The following AP3M1 variants were observed in gnomAD, a reference collection of about 807,000 sequenced individuals.
The protein encoded by AP3M1 is AP-3 complex subunit mu-1.
Under a neutral mutation model 42.6 loss-of-function variants are expected in AP3M1, and 29 were observed. The ratio of observed to expected loss-of-function variants is 0.68; its 90% CI spans 0.51 to 0.93. AP3M1 has a LOEUF of 0.93. Among genes scored for constraint, AP3M1 ranks in the 40% least tolerant of loss-of-function variants. The pLI is 0.00. For synonymous variants in AP3M1, 178 were observed against 175.3 expected (o/e 1.02, Z -0.12); for missense variants, 416 against 510.2 (o/e 0.82, Z 1.78).
chr10:74,131,312 C>T (rs749434305), intron 4 of AP3M1, among the ~76,000 whole-genome samples: 12 of 151,754 alleles, frequency 7.9e-5, no homozygotes, highest in South Asian at 2.1e-4. Flanking sequence ...GGACTACAGG[C>T]GCCTGCCACC....
intron 1 of AP3M1, among the ~76,000 whole-genome samples, chr10:74,146,413 A>G (rs1039179795): frequency 6.6e-6 from 1 of 152,240 alleles, no homozygotes; most frequent in Admixed American, 6.5e-5. Flanking sequence ...AAACTGGATA[A>G]TCGGTAACTG....
At chr10:74,138,889 T>C (rs1227555216) in intron 1 of AP3M1, 5 of 145,144 alleles carry the variant, frequency 3.4e-5, no homozygotes, top group African/African-American at 7.8e-5. Context: ...GAGCTAAGAT[T>C]GCGCCACTGC....
At chr10:74,139,536 C>T (rs1421774022) in intron 1 of AP3M1, among the ~76,000 whole-genome samples, 2 of 150,256 alleles carry the variant, frequency 1.3e-5, no homozygotes, top group African/African-American at 2.5e-5. Flanking sequence ...AATCCCAGCA[C>T]TTGGGGAGGC....
chr10:74,135,286 T>G (rs1430876236), intron 3 of AP3M1, among the ~76,000 whole-genome samples: 1 of 152,234 alleles, frequency 6.6e-6, no homozygotes, highest in Non-Finnish European at 1.5e-5. Flanking sequence ...TTCTCTTTCA[T>G]GTGTGTTTTT....
chr10:74,135,261 TA>T (rs1237476491), intron 3 of AP3M1, among the ~76,000 whole-genome samples: 4 of 152,244 alleles, frequency 2.6e-5, no homozygotes, highest in African/African-American at 9.6e-5. Flanking sequence ...AAGGGATTAA[TA>T]AAACTTTAGG....
intron 1 of AP3M1, among the ~76,000 whole-genome samples, chr10:74,139,308 T>G (rs1435389731): frequency 6.6e-6 from 1 of 151,938 alleles, no homozygotes; most frequent in Non-Finnish European, 1.5e-5. Context: ...TTCTATCCAC[T>G]ATAGCTATAA....
chr10:74,124,444 G>T lies in AP3M1; in HGVS notation c.1092C>A (p.Ala364=). The change falls in exon 8 of 9, where the codon GCC becomes GCA. Residue 364 remains alanine, a synonymous_variant. Transcript: ENST00000355264. ...LKGLVNLQSG[A]PKPEENPSLN... Reference sequence around the variant, plus strand: ...GGCTCGGATTCTCTTCTGGTTTGGGGGCTCCAGACTGTAAATTTACCAGTC... The same window carrying T: ...GGCTCGGATTCTCTTCTGGTTTGGGTGCTCCAGACTGTAAATTTACCAGTC... 11 of 1,613,552 alleles carry T rather than the reference G, an allele frequency of 6.8e-6. No homozygotes were observed. The highest frequency in any genetic ancestry group is 8.5e-6 in the Non-Finnish European group (10 of 1,179,772).
intron 4 of AP3M1, among the ~76,000 whole-genome samples, chr10:74,132,023 A>AT (rs1305089566): frequency 6.6e-6 from 1 of 151,616 alleles, no homozygotes; most frequent in African/African-American, 2.4e-5. Context: ...GAAGGACTAG[A>AT]TTTTTTTTCT....
rs1402314562 is a variant in AP3M1 at position 74,123,083 on chromosome 10, A to AT, written c.*726dup. The AT allele has an allele frequency of 7.2e-5, 11 of 152,718 alleles. No homozygotes were observed. Among genetic ancestry groups the AT allele is most frequent in the Non-Finnish European group, 1.5e-5 (1 of 68,026 alleles). 9.5% of individuals were successfully genotyped at this position (152,718 alleles called of 1,614,324 possible). On this transcript the variant is annotated 3_prime_UTR_variant, in exon 9 of 9. Coordinates refer to ENST00000355264, the MANE Select transcript of AP3M1 (RefSeq NM_012095.6). ...AGCATTTGCCCCTTTGATACAAATGATTTTTTTACTGTGCTAACAGCTGAA... is the reference window on the plus strand; with the variant it reads ...AGCATTTGCCCCTTTGATACAAATGATTTTTTTTACTGTGCTAACAGCTGAA...
At chr10:74,134,834 A>G (rs1166958130) in intron 3 of AP3M1, among the ~76,000 whole-genome samples, 1 of 152,226 alleles carries the variant, frequency 6.6e-6, no homozygotes, top group African/African-American at 2.4e-5. Context: ...GGTAGAGTTC[A>G]GAGAAGTGGT....
At chr10:74,138,560 C>T (rs1841019519) in intron 1 of AP3M1, among the ~76,000 whole-genome samples, 178 bp from the exon 2 acceptor site, 1 of 132,368 alleles carries the variant, frequency 7.6e-6, no homozygotes, top group African/African-American at 2.9e-5. Context: ...TCAAAAGGTG[C>T]AGAAATTGCA....
intron 1 of AP3M1, among the ~76,000 whole-genome samples, chr10:74,141,064 G>GA (rs1841130367): frequency 1.3e-5 from 2 of 152,098 alleles, no homozygotes; most frequent in Non-Finnish European, 2.9e-5. Context: ...ACATTATCAA[G>GA]AAAGCAAAAA....
chr10:74,122,381 A>G lies in AP3M1; in HGVS notation c.*1429T>C, dbSNP rs1180643856. On this transcript the variant is annotated 3_prime_UTR_variant, in exon 9 of 9. Transcript: ENST00000355264. Reference sequence around the variant, plus strand: ...AGAAGAATGGAGCCACAAAGAGAATAGCATAAATAACAAGAAGGAAACATG... The same window carrying G: ...AGAAGAATGGAGCCACAAAGAGAATGGCATAAATAACAAGAAGGAAACATG... 1 of 152,250 alleles carries G rather than the reference A, an allele frequency of 6.6e-6. No homozygotes were observed. The highest frequency in any genetic ancestry group is 1.5e-5 in the Non-Finnish European group (1 of 68,060). The allele number at this position is 152,250 out of a possible 1,614,324, so 9.4% of individuals were successfully genotyped here. A position where few individuals can be genotyped will look rare whatever the true frequency, so the allele number is the denominator to read the frequency against.
chr10:74,123,776 A>C lies in AP3M1; in HGVS notation c.*34T>G, dbSNP rs1431647804. On this transcript the variant is annotated 3_prime_UTR_variant, in exon 9 of 9. Coordinates refer to ENST00000355264, the MANE Select transcript of AP3M1 (RefSeq NM_012095.6). ...GTGATACATCGTAATGACACTTGGAAAACAAACTGGTCCTGAGGAATTTTG... is the reference window on the plus strand; with the variant it reads ...GTGATACATCGTAATGACACTTGGACAACAAACTGGTCCTGAGGAATTTTG... The C allele has an allele frequency of 1.3e-6, 2 of 1,539,816 alleles. No homozygotes were observed.
chr10:74,128,008 G>A (rs1041581240), intron 6 of AP3M1, among the ~76,000 whole-genome samples: 3 of 148,914 alleles, frequency 2.0e-5, no homozygotes, highest in Non-Finnish European at 4.4e-5. Context: ...GCCGAGGCAG[G>A]AGAATCACTT....
intron 3 of AP3M1, among the ~76,000 whole-genome samples, chr10:74,135,462 T>C (rs2131980229): frequency 6.6e-6 from 1 of 152,336 alleles, no homozygotes; most frequent in Admixed American, 6.5e-5. Flanking sequence ...CTGTTATGTT[T>C]TGCATTATAT....
chr10:74,135,342 C>T (rs924368541), intron 3 of AP3M1, among the ~76,000 whole-genome samples: 2 of 152,122 alleles, frequency 1.3e-5, no homozygotes, highest in African/African-American at 4.8e-5. Context: ...TCCTTCCTCA[C>T]TTCCTGAATT....
At chr10:74,146,026 A>G (rs1396854562) in intron 1 of AP3M1, among the ~76,000 whole-genome samples, 1 of 152,238 alleles carries the variant, frequency 6.6e-6, no homozygotes, top group Non-Finnish European at 1.5e-5. Flanking sequence ...GTATATAAGA[A>G]CAAACAAAAT....
chr10:74,129,329 G>C, intron 5 of AP3M1, 88 bp from the exon 6 acceptor site: 1 of 1,390,374 alleles, frequency 7.2e-7, no homozygotes. Context: ...GTTCCCTGAA[G>C]ATAAAGCAGT....
Sources: allele counts gnomAD v4.1 joint callset (sites outside exome capture counted in the v4.1 genomes callset), GRCh38; gene constraint gnomAD v4.1.1; transcripts MANE v1.5; gene names NCBI Gene and HGNC (gene_info 2026-07-23, HGNC 2026-07-21).